Variants in HHIPL1 observed in about 807,000 individuals in gnomAD.
HHIPL1 encodes HHIP-like protein 1.
A neutral mutation model predicts 61.8 loss-of-function variants in HHIPL1; 43 were observed. The ratio of observed to expected loss-of-function variants is 0.70; its 90% CI spans 0.55 to 0.90. The LOEUF is 0.90. Among genes scored for constraint, HHIPL1 ranks in the 40% least tolerant of loss-of-function variants. The probability of loss-of-function intolerance (pLI) is 0.00; values close to 1 mark genes in which losing one functional copy is unlikely to be tolerated. For synonymous variants in HHIPL1, 482 were observed against 515.8 expected (o/e 0.93, Z 0.89); for missense variants, 1,056 against 1,157.7 (o/e 0.91, Z 1.28).
chr14:99,674,931 A>C (rs181211521), intron 8 of HHIPL1, among the ~76,000 whole-genome samples, 160 bp from the exon 9 acceptor site: 105 of 152,286 alleles, frequency 6.9e-4, no homozygotes, highest in African/African-American at 2.5e-3. Context: ...CTGGGAGCGC[A>C]GGCGGCATCC....
At chr14:99,641,809 T>C (rs551774473), upstream of HHIPL1, among the ~76,000 whole-genome samples, 18 of 152,336 alleles carry the variant, frequency 1.2e-4, no homozygotes, top group South Asian at 3.7e-3. Context: ...AGGTTTTTCT[T>C]CATCTTTGGT....
chr14:99,675,931 T>G lies in HHIPL1; in HGVS notation c.*305T>G, dbSNP rs2056387154. 2.9e-6 allele frequency: 1 copy of G among 345,782 alleles called. No homozygotes were observed. Among genetic ancestry groups the G allele is most frequent in the African/African-American group, 2.1e-5 (1 of 47,180 alleles). 21.4% of individuals were successfully genotyped at this position (345,782 alleles called of 1,614,324 possible). ...GAACAGCAGCCGGGCTGTGGGACCC[T>G]GAGGAGGGAGGGCAGCCAGGCTTCG... On this transcript the variant is annotated 3_prime_UTR_variant, in exon 9 of 9. Transcript: ENST00000330710. This position sits in a 1 kb window ranked among gnomAD's most constrained non-coding sequence, Gnocchi z 5.4.
the HHIPL1 span, among the ~76,000 whole-genome samples, chr14:99,619,933 CA>C: frequency 6.6e-6 from 1 of 152,202 alleles, no homozygotes; most frequent in Admixed American, 6.5e-5. Flanking sequence ...TTCCCACCCC[CA>C]ATCCACATCC....
At chr14:99,667,756 A>G (rs2056269320) in intron 6 of HHIPL1, among the ~76,000 whole-genome samples, 1 of 152,172 alleles carries the variant, frequency 6.6e-6, no homozygotes, top group South Asian at 2.1e-4. Flanking sequence ...AGTCCTTATA[A>G]CAGCCCAATG....
chr14:99,670,765 G>A (rs953531615), intron 7 of HHIPL1, among the ~76,000 whole-genome samples: 4 of 152,112 alleles, frequency 2.6e-5, no homozygotes, highest in South Asian at 2.1e-4. Flanking sequence ...TTGTCTAAAC[G>A]TTGCAAACAT....
rs1339779197 is a variant in HHIPL1, at chr14:99,668,158, G to C, written c.1649-64G>C. 8 of 988,470 alleles carry C rather than the reference G, an allele frequency of 8.1e-6. No homozygotes were observed. The East Asian group carries it at 1.9e-4, about 24-fold the overall frequency. 61.2% of individuals were successfully genotyped at this position (988,470 alleles called of 1,614,324 possible). On this transcript the variant is annotated intron_variant, in intron 6 of 8. Transcript: ENST00000330710. This position sits in a 1 kb window ranked among gnomAD's most constrained non-coding sequence, Gnocchi z 4.7. ...AAGCCTGCAGGGAGCCGGGTGGTGA[G>C]GCGGGGCTGGCTGGGACGGTATTCC...
At chr14:99,612,682 C>T in the HHIPL1 span, among the ~76,000 whole-genome samples, 1 of 152,114 alleles carries the variant, frequency 6.6e-6, no homozygotes, top group Non-Finnish European at 1.5e-5. Flanking sequence ...CAGGCCCACC[C>T]GTGATATGGG....
chr14:99,614,127 G>T, the HHIPL1 span, among the ~76,000 whole-genome samples: 8 of 152,212 alleles, frequency 5.3e-5, no homozygotes, highest in East Asian at 1.4e-3. Flanking sequence ...CCGGAAAATA[G>T]GACCATTTCA....
the HHIPL1 span, among the ~76,000 whole-genome samples, chr14:99,611,741 GT>G: frequency 0.54 from 79,949 of 147,334 alleles, 24,198 homozygotes; most frequent in South Asian, 0.81. Context: ...TTTTTGGGTT[GT>G]TTTTTTTTTT....
At chr14:99,644,816 C>T (rs904499056), upstream of HHIPL1, among the ~76,000 whole-genome samples, 1 of 152,198 alleles carries the variant, frequency 6.6e-6, no homozygotes, top group African/African-American at 2.4e-5. Context: ...CTGCGGGCAT[C>T]CGTTTCCCTA....
chr14:99,668,734 C>A lies in HHIPL1; in HGVS notation c.1730+431C>A. The A allele has an allele frequency of 7.1e-7, 1 of 1,413,774 alleles. No individual in the cohort carries two copies. The highest frequency in any genetic ancestry group is 9.8e-7 in the Non-Finnish European group (1 of 1,021,130). The allele number at this position is 1,413,774 out of a possible 1,614,324, so 87.6% of individuals were successfully genotyped here. A position where few individuals can be genotyped will look rare whatever the true frequency, so the allele number is the denominator to read the frequency against. On this transcript the variant is annotated intron_variant, in intron 7 of 8. Coordinates refer to ENST00000330710, the MANE Select transcript of HHIPL1 (RefSeq NM_001127258.3). The surrounding 1 kb of genome is among the most constrained non-coding windows in gnomAD (Gnocchi z 4.7). ...TGACACCCTGATCCCTGTGTGTCCC[C>A]GCCCCGTGCCTGCCCTTCCTCCTGT...
At chr14:99,620,386 G>C in the HHIPL1 span, among the ~76,000 whole-genome samples, 2 of 152,224 alleles carry the variant, frequency 1.3e-5, no homozygotes, top group Non-Finnish European at 2.9e-5. Context: ...GGGTCCAGGA[G>C]CCCCTGCCCT....
In HHIPL1 at chr14:99,659,573, C is replaced by T. The variant is rs375546013; in HGVS notation, c.1192C>T (p.Arg398Cys). The T allele has an allele frequency of 6.4e-7, 1 of 1,552,412 alleles. No individual in the cohort carries two copies. Residue 398 changes from arginine to cysteine, a missense_variant, in exon 4 of 9, where the codon CGC (arginine) becomes TGC (cysteine). Coordinates refer to ENST00000330710, the MANE Select transcript of HHIPL1 (RefSeq NM_001127258.3). The stretch of plus-strand genomic sequence containing the variant: ...CGCCCTGGGCGTGCGCAACATGTGG[C>T]GCTGCTCCTTCGACCGTGGCGACCC... Reference protein sequence around the residue: ...VYALGVRNMWRCSFDRGDPSS... With the variant: ...VYALGVRNMWCCSFDRGDPSS...
the HHIPL1 span, among the ~76,000 whole-genome samples, chr14:99,621,245 G>C: frequency 7.2e-4 from 110 of 152,222 alleles, 1 homozygote; most frequent in Middle Eastern, 3.4e-3. Flanking sequence ...GCTACAGGCA[G>C]GTACCACCAT....
At chr14:99,672,554 G>A (rs2056337315) in intron 8 of HHIPL1, among the ~76,000 whole-genome samples, 155 bp downstream of exon 8, 1 of 152,218 alleles carries the variant, frequency 6.6e-6, no homozygotes, top group African/African-American at 2.4e-5. Context: ...CATTAGACAT[G>A]GTGGTAAGGT....
the HHIPL1 span, among the ~76,000 whole-genome samples, chr14:99,607,981 ACAT>A: frequency 6.6e-6 from 1 of 152,206 alleles, no homozygotes; most frequent in African/African-American, 2.4e-5. Context: ...TGGGCAGAAC[ACAT>A]CATTGTGGGA....
At chr14:99,661,395 G>GAGAA (rs929934245) in intron 5 of HHIPL1, among the ~76,000 whole-genome samples, 1 of 139,136 alleles carries the variant, frequency 7.2e-6, no homozygotes, top group Non-Finnish European at 1.5e-5. Context: ...AAGAAAGAGA[G>GAGAA]AGAAAGAAAG....
chr14:99,650,003 A>G (rs2055900464), intron 1 of HHIPL1, among the ~76,000 whole-genome samples: 1 of 152,198 alleles, frequency 6.6e-6, no homozygotes, highest in African/African-American at 2.4e-5. Flanking sequence ...GGAGCATGTA[A>G]GACATGGCAC....
intron 2 of HHIPL1, among the ~76,000 whole-genome samples, 189 bp from the exon 3 acceptor site, chr14:99,656,808 AAAG>A: frequency 3.7e-4 from 1 of 2,694 alleles, no homozygotes; most frequent in African/African-American, 4.3e-4. Flanking sequence ...AGAAAGAAAG[AAAG>A]AAAGAAAGAA....
Sources: allele counts gnomAD v4.1 joint callset (sites outside exome capture counted in the v4.1 genomes callset), GRCh38; gene constraint gnomAD v4.1.1; non-coding constraint Gnocchi (gnomAD v3.1); transcripts MANE v1.5; gene names NCBI Gene and HGNC (gene_info 2026-07-23, HGNC 2026-07-21).